Variants in OSBPL9 observed in about 807,000 individuals in gnomAD.
OSBPL9 encodes oxysterol binding protein like 9, also known as oxysterol-binding protein-related protein 9.
In OSBPL9, 40 loss-of-function variants were observed where a neutral mutation model predicts 106.6. The observed-to-expected ratio is 0.38, with a 90% confidence interval of 0.29 to 0.49. The LOEUF is 0.49. OSBPL9 is among the 20% of genes least tolerant of loss of function. The pLI is 0.97. For missense variants in OSBPL9, 609 were observed against 887.2 expected, an observed-to-expected ratio of 0.69 and a Z score of 3.98; for synonymous variants, 269 against 295.4, an observed-to-expected ratio of 0.91 and a Z score of 0.92.
chr1:51,569,201 T>C, the OSBPL9 span, among the ~76,000 whole-genome samples: 1 of 152,182 alleles, frequency 6.6e-6, no homozygotes, highest in South Asian at 2.1e-4. Flanking sequence ...CCTGTGCCTT[T>C]CTCTCACTGA....
At chr1:51,590,536 C>G (rs1406245002) in intron 1 of OSBPL9, among the ~76,000 whole-genome samples, 1 of 147,700 alleles carries the variant, frequency 6.8e-6, no homozygotes, top group Non-Finnish European at 1.5e-5. Context: ...AGGAGAATGG[C>G]GTGAACCCAG....
At position 51,617,362 on chromosome 1, in the gene OSBPL9, G is replaced by C; in HGVS notation, c.111+141G>C. The C allele has an allele frequency of 3.6e-6, 3 of 822,206 alleles. No individual in the cohort carries two copies. The South Asian group carries it at 5.5e-5, about 15-fold the overall frequency. 50.9% of individuals were successfully genotyped at this position (822,206 alleles called of 1,614,324 possible). A position where few individuals can be genotyped will look rare whatever the true frequency, so the allele number is the denominator to read the frequency against. On this transcript the variant is annotated intron_variant, in intron 1 of 23. Coordinates refer to ENST00000428468, the MANE Select transcript of OSBPL9 (RefSeq NM_024586.6). ...TACGCGAGGGTTCCCTTGTTGGGGA[G>C]GGTTTTACGTCTCGGATAGCCAATG...
intron 1 of OSBPL9, among the ~76,000 whole-genome samples, chr1:51,644,516 C>T (rs1462926291): frequency 6.6e-6 from 1 of 152,018 alleles, no homozygotes; most frequent in Admixed American, 6.6e-5. Context: ...TTAGTAGAGA[C>T]AGGGTTTCAC....
chr1:51,645,056 A>G (rs559687908), intron 1 of OSBPL9, among the ~76,000 whole-genome samples: 3 of 152,312 alleles, frequency 2.0e-5, no homozygotes, highest in East Asian at 1.9e-4. Flanking sequence ...GGGCTCGCTC[A>G]CTTGTACTCT....
At chr1:51,643,381 C>T (rs1015566042) in intron 1 of OSBPL9, among the ~76,000 whole-genome samples, 1 of 152,122 alleles carries the variant, frequency 6.6e-6, no homozygotes, top group Non-Finnish European at 1.5e-5. Context: ...AAGCTTCCCT[C>T]CTCAGGGAAC....
chr1:51,714,146 G>GT (rs56708609), intron 4 of OSBPL9, 67 bp downstream of exon 4: 86,752 of 873,508 alleles, frequency 0.099, 28 homozygotes, highest in East Asian at 0.12. Flanking sequence ...TCTGTTTTCT[G>GT]TTTTTTTTTT....
intron 4 of OSBPL9, among the ~76,000 whole-genome samples, chr1:51,732,019 ATT>A (rs1402527208): frequency 2.0e-5 from 3 of 152,116 alleles, no homozygotes; most frequent in African/African-American, 7.2e-5. Flanking sequence ...TTAATGTGAA[ATT>A]TTTCAAATGT....
upstream of OSBPL9, among the ~76,000 whole-genome samples, chr1:51,616,027 T>TTTG (rs1292732346): frequency 1.4e-5 from 2 of 147,362 alleles, no homozygotes; most frequent in South Asian, 2.2e-4. Flanking sequence ...TTTTTTTTTT[T>TTTG]TGTGTGAGAG....
chr1:51,624,606 A>G (rs1487010187), intron 1 of OSBPL9, among the ~76,000 whole-genome samples: 1 of 152,038 alleles, frequency 6.6e-6, no homozygotes, highest in Non-Finnish European at 1.5e-5. Context: ...AAATAAATAA[A>G]TAAAAATAAA....
At chr1:51,710,708 A>C (rs1315015338) in intron 3 of OSBPL9, among the ~76,000 whole-genome samples, 1 of 152,080 alleles carries the variant, frequency 6.6e-6, no homozygotes, top group Non-Finnish European at 1.5e-5. Flanking sequence ...CCTGGTTCTC[A>C]TTGTTTCTTT....
chr1:51,675,947 C>T (rs1034314236), intron 3 of OSBPL9, among the ~76,000 whole-genome samples: 1 of 152,034 alleles, frequency 6.6e-6, no homozygotes, highest in Non-Finnish European at 1.5e-5. Flanking sequence ...TTAACTCATG[C>T]AGTTTTCACA....
At chr1:51,544,582 T>C in the OSBPL9 span, among the ~76,000 whole-genome samples, 1 of 152,070 alleles carries the variant, frequency 6.6e-6, no homozygotes, top group South Asian at 2.1e-4. Flanking sequence ...CTTAAGCCCA[T>C]GGGTGTGAGT....
At chr1:51,760,959 G>T (rs560592997) in intron 10 of OSBPL9, among the ~76,000 whole-genome samples, 179 bp downstream of exon 10, 3 of 152,278 alleles carry the variant, frequency 2.0e-5, no homozygotes, top group Admixed American at 2.0e-4. Flanking sequence ...TGATATTGGG[G>T]CTTTACTGAA....
At chr1:51,747,829 G>A (rs931273415) in intron 6 of OSBPL9, among the ~76,000 whole-genome samples, 4 of 151,878 alleles carry the variant, frequency 2.6e-5, no homozygotes, top group East Asian at 3.9e-4. Flanking sequence ...TTGCTCTGTC[G>A]CCCAGGCTGG....
At chr1:51,597,653 T>C (rs889532483) in intron 1 of OSBPL9, among the ~76,000 whole-genome samples, 15 of 152,058 alleles carry the variant, frequency 9.9e-5, no homozygotes, top group African/African-American at 3.6e-4. Flanking sequence ...GAACCATGCA[T>C]GCCAAGTACC....
intron 1 of OSBPL9, among the ~76,000 whole-genome samples, chr1:51,630,280 C>T (rs1268236490): frequency 1.3e-5 from 2 of 152,000 alleles, no homozygotes; most frequent in African/African-American, 2.4e-5. Flanking sequence ...GAGTCTCTCC[C>T]GGCGCTGGGT....
chr1:51,740,626 T>C lies in OSBPL9; in HGVS notation c.319-4910T>C, dbSNP rs559650519. ...TACAACATATTTTTATTATATATGATTTTGCCCTATAAGAAAGTACTGCAT... is the reference window on the plus strand; with the variant it reads ...TACAACATATTTTTATTATATATGACTTTGCCCTATAAGAAAGTACTGCAT... On this transcript the variant is annotated intron_variant, in intron 4 of 23. Coordinates refer to ENST00000428468, the MANE Select transcript of OSBPL9 (RefSeq NM_024586.6). Among the ~76,000 whole-genome samples the C allele has an allele frequency of 2.6e-5, 4 of 152,278 alleles. No homozygotes were observed. The East Asian group carries it at 7.7e-4, about 29-fold the overall frequency.
the OSBPL9 span, among the ~76,000 whole-genome samples, chr1:51,530,189 A>AAAAAAAAAAAAAAAC: frequency 2.1e-5 from 2 of 94,120 alleles, no homozygotes; most frequent in South Asian, 5.5e-4. Flanking sequence ...AAAAAAAAAA[A>AAAAAAAAAAAAAAAC]AAACAAAAAA....
intron 22 of OSBPL9, 83 bp downstream of exon 22, chr1:51,786,700 CAGT>C (rs1677722302): frequency 6.3e-6 from 7 of 1,107,358 alleles, no homozygotes; most frequent in Non-Finnish European, 9.5e-6. Flanking sequence ...GTTTGAGAGA[CAGT>C]AGGGCAGAGC....
Sources: allele counts gnomAD v4.1 joint callset (sites outside exome capture counted in the v4.1 genomes callset), GRCh38; gene constraint gnomAD v4.1.1; transcripts MANE v1.5; gene names NCBI Gene and HGNC (gene_info 2026-07-23, HGNC 2026-07-21).